Variants in AP3S2 observed in about 807,000 individuals in gnomAD.
AP3S2 encodes the protein AP-3 complex subunit sigma-2.
A neutral mutation model predicts 23.4 loss-of-function variants in AP3S2; 22 were observed. The observed-to-expected ratio is 0.94, with a 90% CI of 0.67 to 1.34. The LOEUF (loss-of-function observed/expected upper bound fraction) is 1.34, where lower values mean the gene tolerates loss of function less well. AP3S2 is among the 40% of genes most tolerant of loss of function. The pLI, the probability that AP3S2 is intolerant of heterozygous loss-of-function variation, is 0.00. For missense variants in AP3S2, 241 were observed against 236.9 expected (o/e 1.02, Z -0.11); for synonymous variants, 86 against 87.1 (o/e 0.99, Z 0.07).
At chr15:89,835,722 A>G in intron 5 of AP3S2, 79 bp from the exon 6 acceptor site, 1 of 1,339,128 alleles carries the variant, frequency 7.5e-7, no homozygotes, top group Non-Finnish European at 1.0e-6. Context: ...AAAAAAAAAA[A>G]GCAAAAACAA....
rs1382381314 is a variant in AP3S2, at chr15:89,888,633, C to G, written c.162-1G>C. On this transcript the variant is annotated splice_acceptor_variant, in intron 2 of 5. Coordinates refer to ENST00000336418, the MANE Select transcript of AP3S2 (RefSeq NM_005829.5). LOFTEE classifies it high-confidence loss of function. ...TTTGTAGTCAGAGCCACCAATCAAA[C>G]TGCAGAAGATGGGAAACATTTAAAT... is the stretch of plus-strand genomic sequence containing the variant. The G allele has an allele frequency of 6.2e-6, 10 of 1,613,670 alleles. No individual in the cohort carries two copies. The highest frequency in any genetic ancestry group is 8.5e-6 in the Non-Finnish European group (10 of 1,179,788).
chr15:89,847,297 T>C (rs1895516905), intron 4 of AP3S2, among the ~76,000 whole-genome samples: 1 of 134,166 alleles, frequency 7.5e-6, no homozygotes, highest in African/African-American at 2.9e-5. Flanking sequence ...GGTAAGAGGA[T>C]CACTTGAGCC....
chr15:89,846,090 G>A (rs893025182), intron 4 of AP3S2, among the ~76,000 whole-genome samples: 2 of 152,182 alleles, frequency 1.3e-5, no homozygotes, highest in Non-Finnish European at 2.9e-5. Flanking sequence ...AATGCTTCGG[G>A]TGATAAATCT....
At chr15:89,853,256 G>A (rs1895704720) in intron 4 of AP3S2, among the ~76,000 whole-genome samples, 1 of 152,196 alleles carries the variant, frequency 6.6e-6, no homozygotes, top group South Asian at 2.1e-4. Flanking sequence ...AGGAGGCAGA[G>A]AGACTAGTAG....
chr15:89,855,945 T>TAAAAAAAAAAAAAA (rs34784306), intron 4 of AP3S2, among the ~76,000 whole-genome samples: 3 of 111,982 alleles, frequency 2.7e-5, no homozygotes, highest in Admixed American at 9.7e-5. Flanking sequence ...ATATGTCCTT[T>TAAAAAAAAAAAAAA]AAAAAAAAAA....
chr15:89,889,263 C>A, intron 1 of AP3S2, 123 bp from the exon 2 acceptor site: 2 of 1,004,138 alleles, frequency 2.0e-6, no homozygotes, highest in Non-Finnish European at 2.9e-6. Context: ...GTACTTGTTT[C>A]TAGAAATGAT....
At chr15:89,848,391 C>T (rs549187621) in intron 4 of AP3S2, among the ~76,000 whole-genome samples, 4 of 152,328 alleles carry the variant, frequency 2.6e-5, no homozygotes, top group Admixed American at 6.5e-5. Context: ...TACAGAGTCT[C>T]GCTCTGTCGC....
rs760853637 is a variant in AP3S2, at chr15:89,835,630, G to C, written c.467C>G (p.Ala156Gly). Residue 156 changes from alanine to glycine, a missense_variant, in exon 6 of 6, where the codon GCA becomes GGA. Ala to Gly is a moderately conservative substitution (Grantham distance 60, BLOSUM62 0). Coordinates refer to ENST00000336418, the MANE Select transcript of AP3S2 (RefSeq NM_005829.5). ...AGCAGACACAGCCCGCGCAGGGGCT[G>C]CTGAAAGGCCACCCTAAGAAGAAAT... is the stretch of plus-strand genomic sequence containing the variant. ...RLEKSEGGLS[A>G]APARAVSAVK... is the part of the protein sequence containing the mutation. The C allele has an allele frequency of 4.3e-6, 7 of 1,610,130 alleles. No individual in the cohort carries two copies. The highest frequency in any genetic ancestry group is 5.9e-6 in the Non-Finnish European group (7 of 1,179,120).
intron 1 of AP3S2, among the ~76,000 whole-genome samples, chr15:89,891,124 G>C (rs1231750839): frequency 6.6e-6 from 1 of 152,106 alleles, no homozygotes; most frequent in African/African-American, 2.4e-5. Flanking sequence ...GTGGGGAAGT[G>C]GTACGAAATG....
intron 3 of AP3S2, among the ~76,000 whole-genome samples, chr15:89,881,733 T>C (rs1234204073): frequency 3.3e-5 from 5 of 152,074 alleles, no homozygotes; most frequent in African/African-American, 9.7e-5. Context: ...TCTACCTGGG[T>C]AGAAATTTAA....
chr15:89,884,672 G>C (rs1289034547), intron 3 of AP3S2, among the ~76,000 whole-genome samples: 2 of 146,046 alleles, frequency 1.4e-5, no homozygotes, highest in African/African-American at 5.1e-5. Context: ...TTTTGAGATA[G>C]AGTCTCACTC....
At chr15:89,870,210 T>C (rs576734699) in intron 4 of AP3S2, among the ~76,000 whole-genome samples, 3 of 152,204 alleles carry the variant, frequency 2.0e-5, no homozygotes, top group Admixed American at 6.5e-5. Context: ...AGTTGCAAAA[T>C]AGCAAATCTT....
chr15:89,833,198 CA>C lies in AP3S2; in HGVS notation c.*2316del, dbSNP rs780896386. 2.0e-5 allele frequency: 3 copies of C among 152,198 alleles called. No homozygotes were observed. The highest frequency in any genetic ancestry group is 2.9e-5 in the Non-Finnish European group (2 of 68,036). 9.4% of individuals were successfully genotyped at this position (152,198 alleles called of 1,614,324 possible). ...CATTTACCACCTTGGGCTTCGGCTT[CA>C]ACATCAGTTAAATGGAGGGACACAG... On this transcript the variant is annotated 3_prime_UTR_variant, in exon 6 of 6. Transcript: ENST00000336418.
intron 3 of AP3S2, among the ~76,000 whole-genome samples, chr15:89,879,986 G>A (rs1247528289): frequency 2.1e-5 from 3 of 145,374 alleles, no homozygotes; most frequent in African/African-American, 7.6e-5. Flanking sequence ...TTGAGATGGA[G>A]TCTCACTCTT....
In AP3S2 at chr15:89,846,020, A is replaced by G. The variant is rs112913301; in HGVS notation, c.346-8298T>C. Among the ~76,000 whole-genome samples the G allele has an allele frequency of 7.0e-3, 1,063 of 152,342 alleles. 6 individuals carry two copies. The highest frequency in any genetic ancestry group is 0.012 in the Non-Finnish European group (795 of 68,030). On this transcript the variant is annotated intron_variant, in intron 4 of 5. Coordinates refer to ENST00000336418, the MANE Select transcript of AP3S2 (RefSeq NM_005829.5). Reference sequence around the variant, plus strand: ...AGGATGAGTTTCATCTGACATAAAGATTAGGATAACCCCAATAAACCAACA... The same window carrying G: ...AGGATGAGTTTCATCTGACATAAAGGTTAGGATAACCCCAATAAACCAACA...
intron 3 of AP3S2, among the ~76,000 whole-genome samples, chr15:89,879,158 C>T (rs559613521): frequency 3.9e-5 from 6 of 152,240 alleles, no homozygotes; most frequent in South Asian, 2.1e-4. Flanking sequence ...GTATTACAGG[C>T]GTGAGCCATT....
chr15:89,888,590 A>G lies in AP3S2; in HGVS notation c.204T>C (p.Tyr68=). 6.2e-7 allele frequency: 1 copy of G among 1,614,236 alleles called. No individual in the cohort carries two copies. The highest frequency in any genetic ancestry group is 8.5e-7 in the Non-Finnish European group (1 of 1,180,036). Residue 68 remains tyrosine (Y), a synonymous_variant, in exon 3 of 6, where the codon TAT becomes TAC. Transcript: ENST00000336418. ...CACAAAATACAAAGTAGAGGGTAGC[A>G]TAGTGCCGGTAGATCAGTTTGTAGT... ...GSDYKLIYRH[Y]ATLYFVFCVD... is the part of the protein sequence containing the mutation.
At chr15:89,860,271 G>A (rs571686556) in intron 4 of AP3S2, among the ~76,000 whole-genome samples, 29 of 152,186 alleles carry the variant, frequency 1.9e-4, no homozygotes, top group African/African-American at 6.7e-4. Flanking sequence ...TGTAAATTAG[G>A]CACAGTAAGA....
intron 1 of AP3S2, chr15:89,893,613 C>A: frequency 4.0e-4 from 188 of 468,294 alleles, no homozygotes; most frequent in Middle Eastern, 1.1e-3. Flanking sequence ...CTATCTCGTT[C>A]CCAGAGACCC....
Sources: allele counts gnomAD v4.1 joint callset (sites outside exome capture counted in the v4.1 genomes callset), GRCh38; gene constraint gnomAD v4.1.1; transcripts MANE v1.5; gene names NCBI Gene and HGNC (gene_info 2026-07-23, HGNC 2026-07-21).